The following ACYP2 variants were observed in gnomAD, a reference collection of about 807,000 sequenced individuals.
ACYP2 encodes acylphosphatase 2.
A neutral mutation model predicts 11.2 loss-of-function variants in ACYP2; 12 were observed. That is an observed-to-expected ratio of 1.08 (90% CI 0.69 to 1.74). ACYP2 has a LOEUF of 1.74. Ranked by LOEUF, ACYP2 falls within the 40% of genes most tolerant of loss-of-function variation. The probability of loss-of-function intolerance (pLI) is 0.00; values close to 1 mark genes in which losing one functional copy is unlikely to be tolerated. For synonymous variants in ACYP2, 43 were observed against 32.2 expected (o/e 1.33, Z -1.13); for missense variants, 134 against 101.9 (o/e 1.31, Z -1.35).
intron 2 of ACYP2, among the ~76,000 whole-genome samples, chr2:53,978,175 T>C (rs1671587072): frequency 1.3e-5 from 2 of 151,678 alleles, no homozygotes; most frequent in African/African-American, 4.8e-5. Flanking sequence ...GACAGGAGAA[T>C]TGCTTGAACT....
intron 6 of ACYP2, among the ~76,000 whole-genome samples, chr2:54,229,648 T>C (rs1686150496): frequency 6.6e-6 from 1 of 152,200 alleles, no homozygotes; most frequent in Admixed American, 6.5e-5. Flanking sequence ...TATTTTGTTT[T>C]CTTTCATGTA....
chr2:54,196,779 G>A (rs574857801), intron 6 of ACYP2, among the ~76,000 whole-genome samples: 6 of 152,294 alleles, frequency 3.9e-5, no homozygotes, highest in East Asian at 1.9e-4. Flanking sequence ...GGATGAAATC[G>A]CCCCCAGAGG....
intron 6 of ACYP2, among the ~76,000 whole-genome samples, chr2:54,226,600 A>G (rs1490234634): frequency 6.6e-6 from 1 of 152,242 alleles, no homozygotes; most frequent in Admixed American, 6.5e-5. Context: ...AATTTGAGTA[A>G]TCAATCCTTA....
intron 6 of ACYP2, among the ~76,000 whole-genome samples, chr2:54,246,324 T>A (rs1686950172): frequency 6.6e-6 from 1 of 152,170 alleles, no homozygotes; most frequent in Non-Finnish European, 1.5e-5. Flanking sequence ...AATTGCTAAA[T>A]TAGCTTAGGG....
At chr2:54,282,412 A>G (rs843719) in intron 6 of ACYP2, among the ~76,000 whole-genome samples, 84,070 of 151,964 alleles carry the variant, frequency 0.55, 24,825 homozygotes, top group African/African-American at 0.76. Flanking sequence ...ATTTTGCTTT[A>G]CTCTGCCCTG....
intron 4 of ACYP2, among the ~76,000 whole-genome samples, chr2:54,133,860 A>G (rs538976174): frequency 3.0e-4 from 45 of 152,272 alleles, no homozygotes; most frequent in African/African-American, 9.6e-4. Flanking sequence ...CTATGTATCA[A>G]TATTTGGTTC....
chr2:54,095,488 GA>G (rs1678485816), intron 4 of ACYP2, among the ~76,000 whole-genome samples: 1 of 150,964 alleles, frequency 6.6e-6, no homozygotes, highest in Non-Finnish European at 1.5e-5. Flanking sequence ...TCACCTCCCG[GA>G]CGGGGCGGCT....
intron 2 of ACYP2, among the ~76,000 whole-genome samples, chr2:53,978,891 C>T (rs1469052222): frequency 6.6e-6 from 1 of 151,850 alleles, no homozygotes. Flanking sequence ...CCACTGCACT[C>T]CAGCCTGGAT....
At chr2:54,004,746 C>G (rs1456926255) in intron 2 of ACYP2, among the ~76,000 whole-genome samples, 3 of 151,596 alleles carry the variant, frequency 2.0e-5, no homozygotes, top group African/African-American at 7.2e-5. Flanking sequence ...TGTTCATTTT[C>G]TTATTATTGA....
intron 4 of ACYP2, among the ~76,000 whole-genome samples, chr2:54,100,477 A>C (rs1031961351): frequency 3.3e-5 from 5 of 151,778 alleles, no homozygotes; most frequent in Admixed American, 2.6e-4. Flanking sequence ...TAATTAAAAA[A>C]AGATTTTTTT....
chr2:54,069,697 A>G (rs1420103081), intron 4 of ACYP2, among the ~76,000 whole-genome samples: 1 of 152,070 alleles, frequency 6.6e-6, no homozygotes, highest in Admixed American at 6.6e-5. Flanking sequence ...AAAACAAAAC[A>G]AAGCAAAATA....
intron 6 of ACYP2, among the ~76,000 whole-genome samples, chr2:54,269,746 A>G (rs1411102101): frequency 6.6e-6 from 1 of 152,248 alleles, no homozygotes; most frequent in Non-Finnish European, 1.5e-5. Context: ...ATAATGTTCA[A>G]TAACTAGTAC....
intron 4 of ACYP2, among the ~76,000 whole-genome samples, chr2:54,102,619 A>G (rs1195662357): frequency 1.4e-5 from 2 of 141,470 alleles, no homozygotes; most frequent in Non-Finnish European, 3.1e-5. Flanking sequence ...ATAGAAACCC[A>G]ATTTAAGCTG....
chr2:54,167,354 C>T (rs974788514), intron 6 of ACYP2, among the ~76,000 whole-genome samples: 6 of 152,164 alleles, frequency 3.9e-5, no homozygotes, highest in African/African-American at 7.2e-5. Flanking sequence ...GTCTAGACAA[C>T]ACTCTCCTCT....
intron 4 of ACYP2, among the ~76,000 whole-genome samples, chr2:54,067,927 T>C (rs1676825728): frequency 6.6e-6 from 1 of 152,234 alleles, no homozygotes; most frequent in African/African-American, 2.4e-5. Flanking sequence ...GCATAAAATA[T>C]TTTTTAGCTC....
chr2:54,284,754 T>G (rs947756022), intron 6 of ACYP2, among the ~76,000 whole-genome samples: 3 of 152,194 alleles, frequency 2.0e-5, no homozygotes, highest in African/African-American at 7.2e-5. Context: ...TATTTTTCTC[T>G]TCATTCCCTC....
At chr2:54,183,666 C>T (rs563978406) in intron 6 of ACYP2, among the ~76,000 whole-genome samples, 2 of 152,018 alleles carry the variant, frequency 1.3e-5, no homozygotes, top group African/African-American at 2.4e-5. Context: ...ATAGCAATTG[C>T]AAAAATGTGA....
At chr2:54,014,530 A>G (rs1316200076) in intron 2 of ACYP2, among the ~76,000 whole-genome samples, 1 of 152,068 alleles carries the variant, frequency 6.6e-6, no homozygotes, top group African/African-American at 2.4e-5. Context: ...CACGTTGGCC[A>G]GGCTGGTCTC....
intron 4 of ACYP2, among the ~76,000 whole-genome samples, chr2:54,078,552 GTTAT>G (rs1184763505): frequency 6.7e-6 from 1 of 150,340 alleles, no homozygotes; most frequent in Non-Finnish European, 1.5e-5. Flanking sequence ...ATTTATTTCA[GTTAT>G]TTAAACATTT....
Sources: allele counts gnomAD v4.1 joint callset (sites outside exome capture counted in the v4.1 genomes callset), GRCh38; gene constraint gnomAD v4.1.1; transcripts MANE v1.5; gene names NCBI Gene and HGNC (gene_info 2026-07-23, HGNC 2026-07-21).